BNC2: variants seen among roughly 807,000 people sequenced by gnomAD.
BNC2 encodes basonuclin zinc finger protein 2, also known as zinc finger protein basonuclin-2.
A neutral mutation model predicts 76.3 loss-of-function variants in BNC2; 20 were observed. The ratio of observed to expected loss-of-function variants is 0.26; its 90% CI spans 0.18 to 0.38. The LOEUF is 0.38. BNC2 is among the 10% of genes least tolerant of loss of function. The probability of loss-of-function intolerance (pLI) is 1.00; values close to 1 mark genes in which losing one functional copy is unlikely to be tolerated. For missense variants in BNC2, 1,382 were observed against 1,399.8 expected (o/e 0.99, Z 0.20); for synonymous variants, 582 against 514.8 (o/e 1.13, Z -1.77).
intron 1 of BNC2, among the ~76,000 whole-genome samples, chr9:16,743,719 T>A (rs1481661721): frequency 1.3e-5 from 2 of 152,198 alleles, no homozygotes; most frequent in African/African-American, 4.8e-5. Context: ...GGTTTGGGGT[T>A]CTTTCCATTC....
intron 1 of BNC2, among the ~76,000 whole-genome samples, chr9:16,791,014 G>T (rs1817490915): frequency 6.6e-6 from 1 of 151,972 alleles, no homozygotes; most frequent in Non-Finnish European, 1.5e-5. Flanking sequence ...GTCCGCTGAT[G>T]AACAAAATAA....
In BNC2 at chr9:16,510,613, G is replaced by C. The variant is rs1274724186; in HGVS notation, c.669+41917C>G. ...AAACTTGGTTAATTTCTTTTTCCTA[G>C]GTCAGAAATCAACAGATAAGCCTTT... On this transcript the variant is annotated intron_variant, in intron 5 of 6. Coordinates refer to ENST00000380672, the MANE Select transcript of BNC2 (RefSeq NM_017637.6). Among the ~76,000 whole-genome samples, 3 of 152,220 alleles carry C rather than the reference G, an allele frequency of 2.0e-5. No individual in the cohort carries two copies. The East Asian group carries it at 5.8e-4, about 29-fold the overall frequency.
chr9:16,531,921 G>A (rs1817988427), intron 5 of BNC2, among the ~76,000 whole-genome samples: 1 of 151,892 alleles, frequency 6.6e-6, no homozygotes, highest in African/African-American at 2.4e-5. Context: ...TCTTAAATGG[G>A]GAAGTTTGAC....
intron 6 of BNC2, among the ~76,000 whole-genome samples, chr9:16,422,753 C>A (rs772784862): frequency 6.6e-6 from 1 of 152,046 alleles, no homozygotes; most frequent in Admixed American, 6.6e-5. Context: ...TAGAGGGTAC[C>A]GATCCTACCC....
intron 5 of BNC2, among the ~76,000 whole-genome samples, chr9:16,479,268 A>G (rs1821996107): frequency 6.6e-6 from 1 of 151,450 alleles, no homozygotes; most frequent in African/African-American, 2.4e-5. Flanking sequence ...AAAAAAGAAA[A>G]GAAAAGAAAA....
At chr9:16,743,739 G>C (rs1400276319) in intron 1 of BNC2, among the ~76,000 whole-genome samples, 2 of 152,194 alleles carry the variant, frequency 1.3e-5, no homozygotes, top group South Asian at 2.1e-4. Flanking sequence ...CACATGATGG[G>C]TATAGGGTGT....
intron 5 of BNC2, among the ~76,000 whole-genome samples, chr9:16,498,736 C>A (rs1281423810): frequency 1.3e-5 from 2 of 151,850 alleles, no homozygotes; most frequent in African/African-American, 4.8e-5. Context: ...TCTTCTGTCT[C>A]CTACCTTAAT....
intron 2 of BNC2, among the ~76,000 whole-genome samples, chr9:16,731,233 A>T (rs934302788): frequency 1.4e-4 from 21 of 152,216 alleles, no homozygotes; most frequent in Non-Finnish European, 2.8e-4. Flanking sequence ...TTAAAACTAG[A>T]AGGAAGAAGA....
chr9:16,624,454 G>T (rs1200890616), intron 3 of BNC2, among the ~76,000 whole-genome samples: 1 of 152,170 alleles, frequency 6.6e-6, no homozygotes, highest in East Asian at 1.9e-4. Context: ...TTTTACATTA[G>T]TATCATTAAT....
intron 1 of BNC2, among the ~76,000 whole-genome samples, chr9:16,811,708 G>T (rs923833944): frequency 4.6e-5 from 7 of 152,118 alleles, no homozygotes; most frequent in Non-Finnish European, 8.8e-5. Flanking sequence ...AATGTCCCTG[G>T]GAAGCTATGC....
intron 1 of BNC2, among the ~76,000 whole-genome samples, chr9:16,860,416 A>C (rs1273911222): frequency 6.6e-6 from 1 of 152,226 alleles, no homozygotes; most frequent in Non-Finnish European, 1.5e-5. Flanking sequence ...TGACAAGGGT[A>C]CCCAGACACC....
At chr9:16,634,239 T>G (rs1821250101) in intron 3 of BNC2, among the ~76,000 whole-genome samples, 1 of 152,194 alleles carries the variant, frequency 6.6e-6, no homozygotes, top group South Asian at 2.1e-4. Flanking sequence ...CAATGTATTT[T>G]TTTCCTTCAA....
At chr9:16,532,897 G>A (rs1183432233) in intron 5 of BNC2, among the ~76,000 whole-genome samples, 4 of 152,198 alleles carry the variant, frequency 2.6e-5, no homozygotes, top group Non-Finnish European at 5.9e-5. Flanking sequence ...ATTTTCACCA[G>A]AGAAATCAGC....
chr9:16,672,131 G>A (rs1009052352), intron 3 of BNC2, among the ~76,000 whole-genome samples: 10 of 152,116 alleles, frequency 6.6e-5, no homozygotes, highest in Admixed American at 2.0e-4. Flanking sequence ...GGGAGATCTG[G>A]GGCACTCCTA....
At chr9:16,441,751 C>G (rs1048972915) in intron 5 of BNC2, among the ~76,000 whole-genome samples, 1 of 152,180 alleles carries the variant, frequency 6.6e-6, no homozygotes, top group African/African-American at 2.4e-5. Flanking sequence ...AGGCATGATA[C>G]ATTTTTTTAG....
At chr9:16,648,042 AT>A (rs1205879315) in intron 3 of BNC2, among the ~76,000 whole-genome samples, 8 of 152,316 alleles carry the variant, frequency 5.3e-5, no homozygotes, top group Admixed American at 5.2e-4. Context: ...TGAAGACAAA[AT>A]TACAGAGAGT....
At chr9:16,679,031 C>G (rs763301148) in intron 3 of BNC2, among the ~76,000 whole-genome samples, 1 of 152,134 alleles carries the variant, frequency 6.6e-6, no homozygotes, top group Non-Finnish European at 1.5e-5. Flanking sequence ...CAGGAACATT[C>G]GTATCTGGTC....
chr9:16,576,815 G>A (rs1393368329), intron 4 of BNC2, among the ~76,000 whole-genome samples: 4 of 152,170 alleles, frequency 2.6e-5, no homozygotes, highest in Non-Finnish European at 5.9e-5. Flanking sequence ...TCGGCTCACT[G>A]CAACCTCCAC....
intron 3 of BNC2, among the ~76,000 whole-genome samples, chr9:16,721,916 A>G (rs1437867690): frequency 3.4e-5 from 5 of 146,772 alleles, no homozygotes; most frequent in Non-Finnish European, 7.6e-5. Context: ...TCCTTTTGAT[A>G]TATGTGCTAA....
Sources: gnomAD v4.1 joint callset for allele counts (sites outside exome capture counted in the v4.1 genomes callset) on GRCh38, gnomAD v4.1.1 for gene constraint, MANE v1.5 for transcripts, NCBI Gene and HGNC (gene_info 2026-07-23, HGNC 2026-07-21) for gene names.